Variants in CDH4 observed in about 807,000 individuals in gnomAD.
The protein encoded by CDH4 is cadherin-4.
Under a neutral mutation model 86.0 loss-of-function variants are expected in CDH4, and 33 were observed. That is an observed-to-expected ratio of 0.38 (90% CI 0.29 to 0.51). The LOEUF (loss-of-function observed/expected upper bound fraction) is 0.51, where lower values mean the gene tolerates loss of function less well. Among genes scored for constraint, CDH4 ranks in the 20% least tolerant of loss-of-function variants. The pLI is 0.86. For missense variants in CDH4, 1,114 were observed against 1,307.4 expected (o/e 0.85, Z 2.28); for synonymous variants, 555 against 549.4 (o/e 1.01, Z -0.14).
intron 2 of CDH4, among the ~76,000 whole-genome samples, chr20:61,714,550 C>A (rs533246367): frequency 6.6e-6 from 1 of 152,136 alleles, no homozygotes; most frequent in Non-Finnish European, 1.5e-5. Flanking sequence ...TTTAATCTCT[C>A]GCTACCCTCC....
chr20:61,563,163 C>T (rs544014816), intron 2 of CDH4, among the ~76,000 whole-genome samples: 3 of 152,336 alleles, frequency 2.0e-5, no homozygotes, highest in African/African-American at 7.2e-5. Context: ...GAATTCTACA[C>T]AAGGGCCCAC....
intron 8 of CDH4, among the ~76,000 whole-genome samples, chr20:61,901,332 C>T (rs2054724326): frequency 6.6e-6 from 1 of 152,206 alleles, no homozygotes; most frequent in Non-Finnish European, 1.5e-5. Flanking sequence ...CAGCAGAAAT[C>T]GTCACTGTTT....
intron 2 of CDH4, among the ~76,000 whole-genome samples, chr20:61,520,530 T>C (rs147039995): frequency 0.016 from 2,378 of 152,110 alleles, 32 homozygotes; most frequent in African/African-American, 0.041. Flanking sequence ...TAGCACGGAG[T>C]GAAGCACCAG....
At chr20:61,558,205 A>C (rs2086191321) in intron 2 of CDH4, among the ~76,000 whole-genome samples, 1 of 152,146 alleles carries the variant, frequency 6.6e-6, no homozygotes, top group Non-Finnish European at 1.5e-5. Context: ...TTTTGGTCTA[A>C]GATTACACTG....
chr20:61,409,811 G>A (rs1205738115), intron 2 of CDH4, among the ~76,000 whole-genome samples: 1 of 152,258 alleles, frequency 6.6e-6, no homozygotes, highest in Admixed American at 6.5e-5. Context: ...TATGACAATA[G>A]GTAGCTAAGA....
At chr20:61,908,750 G>A (rs770439191) in intron 8 of CDH4, among the ~76,000 whole-genome samples, 33 of 152,172 alleles carry the variant, frequency 2.2e-4, no homozygotes, top group Non-Finnish European at 4.0e-4. Flanking sequence ...CTTTCTTACC[G>A]AAGGGACAGC....
chr20:61,798,910 C>T (rs1243062890), intron 4 of CDH4, among the ~76,000 whole-genome samples: 3 of 152,218 alleles, frequency 2.0e-5, no homozygotes, highest in Non-Finnish European at 4.4e-5. Context: ...TAGTCCCCAC[C>T]GACCCGATGA....
rs575544366 is a variant in CDH4 at position 61,656,182 on chromosome 20, CTTAG to C, written c.170-87376_170-87373del. Reference sequence around the variant, plus strand: ...TGGGATACACAGCAGGGTTTGCACTCTTAGTTAGGATGTTGCTTGGGAATGCATG... The same window carrying C: ...TGGGATACACAGCAGGGTTTGCACTCTTAGGATGTTGCTTGGGAATGCATG... On this transcript the variant is annotated intron_variant, in intron 2 of 15. Transcript: ENST00000614565. 1.8e-3 allele frequency among the ~76,000 whole-genome samples: 272 copies of C among 150,226 alleles called. 1 individual carries two copies. The highest frequency in any genetic ancestry group is 6.1e-3 in the African/African-American group (249 of 40,770).
At chr20:61,499,312 G>C in intron 2 of CDH4, 2 of 474,398 alleles carry the variant, frequency 4.2e-6, no homozygotes, top group Non-Finnish European at 7.4e-6. Flanking sequence ...ACTCTGGCCA[G>C]GTACTTTCAT....
At chr20:61,306,100 C>T (rs2084415834) in intron 2 of CDH4, among the ~76,000 whole-genome samples, 1 of 152,170 alleles carries the variant, frequency 6.6e-6, no homozygotes, top group African/African-American at 2.4e-5. Context: ...CTCTTGAAAA[C>T]TTTGAAGGCT....
chr20:61,362,135 G>T (rs1213587334), intron 2 of CDH4, among the ~76,000 whole-genome samples: 1 of 152,238 alleles, frequency 6.6e-6, no homozygotes, highest in Admixed American at 6.5e-5. Flanking sequence ...GACCTGAGAA[G>T]CAAGAAAGAG....
At chr20:61,537,861 G>A (rs78996077) in intron 2 of CDH4, among the ~76,000 whole-genome samples, 1,843 of 152,244 alleles carry the variant, frequency 0.012, 18 homozygotes, top group Non-Finnish European at 0.015. Flanking sequence ...ACATCACAGC[G>A]CCATGAAAGG....
At chr20:61,874,026 C>T (rs1983917822) in intron 7 of CDH4, 126 bp downstream of exon 7, 1 of 982,562 alleles carries the variant, frequency 1.0e-6, no homozygotes, top group East Asian at 2.5e-5. Context: ...CCCAGTGGCA[C>T]TCTCTTGCCA....
chr20:61,687,984 A>G (rs558936243), intron 2 of CDH4, among the ~76,000 whole-genome samples: 1 of 152,276 alleles, frequency 6.6e-6, no homozygotes, highest in East Asian at 1.9e-4. Context: ...CTTAGATATT[A>G]TTATGACTTC....
intron 2 of CDH4, among the ~76,000 whole-genome samples, chr20:61,692,145 G>A (rs1471249197): frequency 6.7e-6 from 1 of 149,188 alleles, no homozygotes; most frequent in Non-Finnish European, 1.5e-5. Flanking sequence ...CTGTATGTAT[G>A]TGTGTATGTA....
At chr20:61,926,621 C>G (rs1035513647) in intron 11 of CDH4, among the ~76,000 whole-genome samples, 1 of 152,168 alleles carries the variant, frequency 6.6e-6, no homozygotes, top group South Asian at 2.1e-4. Context: ...ACCTGTAATC[C>G]CAACACTTTG....
At chr20:61,914,818 C>T (rs1763597781) in intron 9 of CDH4, among the ~76,000 whole-genome samples, 1 of 152,176 alleles carries the variant, frequency 6.6e-6, no homozygotes, top group African/African-American at 2.4e-5. Context: ...CAGCTGCCGT[C>T]TTCCCCACTG....
chr20:61,705,535 C>T (rs185314000), intron 2 of CDH4, among the ~76,000 whole-genome samples: 2 of 152,218 alleles, frequency 1.3e-5, no homozygotes, highest in Non-Finnish European at 2.9e-5. Context: ...CGGCCCATGG[C>T]CATTCATGCA....
intron 1 of CDH4, among the ~76,000 whole-genome samples, chr20:61,254,350 G>C (rs1032468983): frequency 6.6e-6 from 1 of 152,162 alleles, no homozygotes; most frequent in Non-Finnish European, 1.5e-5. Context: ...CCTCCCTCCC[G>C]GTGACCTGGA....
Sources: allele counts gnomAD v4.1 joint callset (sites outside exome capture counted in the v4.1 genomes callset), GRCh38; gene constraint gnomAD v4.1.1; transcripts MANE v1.5; gene names NCBI Gene and HGNC (gene_info 2026-07-23, HGNC 2026-07-21).